The following TUBA4B variants were observed in gnomAD, a reference collection of about 807,000 sequenced individuals.
TUBA4B encodes tubulin alpha 4b, also known as tubulin-like protein alpha-4B.
TUBA4B carries 13 observed loss-of-function variants against 18.4 expected under a neutral mutation model. The observed-to-expected ratio is 0.71, with a 90% CI of 0.46 to 1.12. TUBA4B has a LOEUF of 1.12. Among genes scored for constraint, TUBA4B ranks in the 50% most tolerant of loss-of-function variants. The probability of loss-of-function intolerance (pLI) is 0.00; values close to 1 mark genes in which losing one functional copy is unlikely to be tolerated. For synonymous variants in TUBA4B, 101 were observed against 99.1 expected, an observed-to-expected ratio of 1.02 and a Z score of -0.11; for missense variants, 244 against 250.0, an observed-to-expected ratio of 0.98 and a Z score of 0.16.
intron 2 of TUBA4B, among the ~76,000 whole-genome samples, chr2:219,269,376 A>G (rs546221408): frequency 2.4e-4 from 37 of 152,286 alleles, no homozygotes; most frequent in Non-Finnish European, 4.4e-4. Flanking sequence ...ACTGAGCAAG[A>G]GTCTATAATC....
intron 1 of TUBA4B, chr2:219,266,171 G>C: frequency 4.0e-6 from 1 of 249,788 alleles, no homozygotes; most frequent in Non-Finnish European, 7.8e-6. Flanking sequence ...TGGGGGCGGT[G>C]CTGGAGCTCA....
intron 1 of TUBA4B, chr2:219,254,041 C>G (rs923742209): frequency 3.7e-6 from 2 of 537,350 alleles, no homozygotes; most frequent in Admixed American, 3.9e-5. Flanking sequence ...GCGGCCCCCC[C>G]GAGGGGCGGA....
Position 219,253,252 on chromosome 2 carries a change from C to T in TUBA4B, c.-156C>T. Reference sequence around the variant, plus strand: ...GTGCTCAGCGCCAGCTGTCTCTGCCCATCCGCGCACCCGGGCTTCGGCTGG... The same window carrying T: ...GTGCTCAGCGCCAGCTGTCTCTGCCTATCCGCGCACCCGGGCTTCGGCTGG... On this transcript the variant is annotated 5_prime_UTR_variant, in exon 1 of 4. Coordinates refer to ENST00000490341, the MANE Select transcript of TUBA4B (RefSeq NM_001355221.1). 2 of 1,493,950 alleles carry T rather than the reference C, an allele frequency of 1.3e-6. No individual in the cohort carries two copies. The highest frequency in any genetic ancestry group is 1.8e-6 in the Non-Finnish European group (2 of 1,120,934). The allele number at this position is 1,493,950 out of a possible 1,614,324, so 92.5% of individuals were successfully genotyped here. A position where few individuals can be genotyped will look rare whatever the true frequency, so the allele number is the denominator to read the frequency against.
chr2:219,266,282 C>A (rs1432375870), intron 1 of TUBA4B: 1 of 512,244 alleles, frequency 2.0e-6, no homozygotes, highest in African/African-American at 1.9e-5. Context: ...ACCCAGAGGC[C>A]TGGATACCTG....
chr2:219,258,417 C>T (rs1290655423), intron 1 of TUBA4B, among the ~76,000 whole-genome samples: 3 of 152,074 alleles, frequency 2.0e-5, no homozygotes, highest in Non-Finnish European at 2.9e-5. Flanking sequence ...ACCTCCCGGC[C>T]TCTAGCCATC....
chr2:219,260,790 T>C (rs1327415340), intron 1 of TUBA4B, among the ~76,000 whole-genome samples: 1 of 152,100 alleles, frequency 6.6e-6, no homozygotes, highest in Non-Finnish European at 1.5e-5. Flanking sequence ...CTGACCAACA[T>C]GGTGAAACGC....
intron 1 of TUBA4B, among the ~76,000 whole-genome samples, chr2:219,255,692 C>T (rs1951714181): frequency 6.6e-6 from 1 of 152,146 alleles, no homozygotes. Context: ...CTAATTGTCT[C>T]CCTTCACTGG....
chr2:219,258,784 G>A (rs1951740590), intron 1 of TUBA4B, among the ~76,000 whole-genome samples: 1 of 152,120 alleles, frequency 6.6e-6, no homozygotes, highest in Non-Finnish European at 1.5e-5. Context: ...CTTAAGATGG[G>A]CAACAAGCTC....
Position 219,253,309 on chromosome 2 carries a change from C to G in TUBA4B, c.-99C>G, listed in dbSNP as rs376146379. On this transcript the variant is annotated 5_prime_UTR_variant, in exon 1 of 4. Transcript: ENST00000490341. ...CCAGCTCGCTTCAGGAGGCCGAACC[C>G]CGTTCCCACCAACCCTCTCAGCTCA... 3.1e-4 allele frequency: 470 copies of G among 1,522,766 alleles called. 4 individuals are homozygous for G. The South Asian group carries it at 5.3e-3, about 17-fold the overall frequency. The allele number at this position is 1,522,766 out of a possible 1,614,324, so 94.3% of individuals were successfully genotyped here.
chr2:219,260,353 T>C (rs1951752308), intron 1 of TUBA4B, among the ~76,000 whole-genome samples: 1 of 152,212 alleles, frequency 6.6e-6, no homozygotes, highest in East Asian at 1.9e-4. Flanking sequence ...TAAAGAGAAT[T>C]ATTAAAAAAT....
intron 1 of TUBA4B, among the ~76,000 whole-genome samples, chr2:219,261,307 A>T (rs1951758323): frequency 6.6e-6 from 1 of 152,224 alleles, no homozygotes; most frequent in Non-Finnish European, 1.5e-5. Context: ...GTCTTAAGGC[A>T]GGAAATGGGG....
intron 3 of TUBA4B, 138 bp from the exon 4 acceptor site, chr2:219,271,028 G>A (rs1054153842): frequency 8.3e-6 from 5 of 603,252 alleles, no homozygotes; most frequent in South Asian, 4.1e-5. Context: ...CACTCTATGA[G>A]GATCTCTTTT....
intron 1 of TUBA4B, among the ~76,000 whole-genome samples, chr2:219,259,891 T>C (rs1026780323): frequency 6.6e-6 from 1 of 152,176 alleles, no homozygotes; most frequent in Non-Finnish European, 1.5e-5. Flanking sequence ...CACATATCCA[T>C]GAATTCACCC....
intron 1 of TUBA4B, among the ~76,000 whole-genome samples, chr2:219,264,270 G>T (rs1298065029): frequency 6.6e-6 from 1 of 152,076 alleles, no homozygotes; most frequent in Non-Finnish European, 1.5e-5. Context: ...GACCAGCTTG[G>T]CCAACATGGT....
intron 1 of TUBA4B, among the ~76,000 whole-genome samples, chr2:219,265,184 T>A (rs898705996): frequency 1.3e-5 from 2 of 152,172 alleles, no homozygotes; most frequent in East Asian, 1.9e-4. Context: ...GAGTCCCAGA[T>A]AAATCTTAAT....
At chr2:219,265,004 G>A (rs910937214) in intron 1 of TUBA4B, among the ~76,000 whole-genome samples, 1 of 152,156 alleles carries the variant, frequency 6.6e-6, no homozygotes, top group Non-Finnish European at 1.5e-5. Flanking sequence ...CCAGGGTTCT[G>A]GTTTAGTCAA....
intron 2 of TUBA4B, 22 bp downstream of exon 2, chr2:219,266,588 G>C (rs1951791443): frequency 2.8e-6 from 2 of 702,866 alleles, no homozygotes; most frequent in Middle Eastern, 2.3e-4. Flanking sequence ...GGGCCTTGGG[G>C]GGACTGAGCA....
chr2:219,257,815 CA>C (rs1321366133), intron 1 of TUBA4B, among the ~76,000 whole-genome samples: 28 of 143,360 alleles, frequency 2.0e-4, no homozygotes, highest in African/African-American at 5.1e-4. Context: ...GAAACTGTCT[CA>C]AAAAAAAAAT....
chr2:219,256,660 A>G (rs1951722251), intron 1 of TUBA4B, among the ~76,000 whole-genome samples: 1 of 152,186 alleles, frequency 6.6e-6, no homozygotes, highest in Non-Finnish European at 1.5e-5. Flanking sequence ...AAGGGTCCTT[A>G]TAAGTGAAAG....
Sources: allele counts gnomAD v4.1 joint callset (sites outside exome capture counted in the v4.1 genomes callset), GRCh38; gene constraint gnomAD v4.1.1; transcripts MANE v1.5; gene names NCBI Gene and HGNC (gene_info 2026-07-23, HGNC 2026-07-21).